The following ACACA variants were observed in gnomAD, a reference collection of about 807,000 sequenced individuals.
The protein encoded by ACACA is acetyl-CoA carboxylase 1.
Under a neutral mutation model 296.1 loss-of-function variants are expected in ACACA, and 103 were observed. That is an observed-to-expected ratio of 0.35 (90% CI 0.30 to 0.41). The LOEUF (loss-of-function observed/expected upper bound fraction) is 0.41. Among genes scored for constraint, ACACA ranks in the 10% least tolerant of loss-of-function variants. The pLI, the probability that ACACA is intolerant of heterozygous loss-of-function variation, is 1.00. For synonymous variants in ACACA, 953 were observed against 1,038.6 expected (o/e 0.92, Z 1.58); for missense variants, 1,554 against 2,989.7 (o/e 0.52, Z 11.20).
At chr17:37,099,619 CAGGAGGGCTGATGGA>C (rs2073232601) in intron 52 of ACACA, among the ~76,000 whole-genome samples, 2 of 111,798 alleles carry the variant, frequency 1.8e-5, no homozygotes, top group Admixed American at 8.8e-5. Context: ...GGGCTGATGG[CAGGAGGGCTGATGGA>C]GGGAGGGCTG....
intron 47 of ACACA, among the ~76,000 whole-genome samples, chr17:37,127,624 T>C (rs1322415600): frequency 6.6e-6 from 1 of 151,964 alleles, no homozygotes; most frequent in Non-Finnish European, 1.5e-5. Flanking sequence ...CACTTTGAGA[T>C]CACAAGGTCA....
chr17:37,145,542 T>A (rs1317896904), intron 45 of ACACA, among the ~76,000 whole-genome samples: 1 of 152,216 alleles, frequency 6.6e-6, no homozygotes, highest in Non-Finnish European at 1.5e-5. Flanking sequence ...CCACCTTCTC[T>A]TAGGCTTTAC....
At chr17:37,108,324 A>G (rs2073800422) in intron 52 of ACACA, among the ~76,000 whole-genome samples, 1 of 152,178 alleles carries the variant, frequency 6.6e-6, no homozygotes, top group African/African-American at 2.4e-5. Context: ...AAAATTCTAG[A>G]AGAGATGAAG....
chr17:37,403,944 T>A (rs1480414717), intron 1 of ACACA, among the ~76,000 whole-genome samples: 3 of 152,124 alleles, frequency 2.0e-5, no homozygotes. Flanking sequence ...AGCTAATTGT[T>A]GCATTTTTAG....
intron 1 of ACACA, chr17:37,391,851 G>T: frequency 2.3e-6 from 2 of 852,824 alleles, no homozygotes; most frequent in East Asian, 2.4e-5. Flanking sequence ...ACCAATTCCT[G>T]GTTAATGAAG....
In ACACA at chr17:37,218,147, C is replaced by CAAAAAAAAAAAAAAAAAAAA. The variant is rs60487601; in HGVS notation, c.3683+3557_3683+3576dup. 2.6e-5 allele frequency among the ~76,000 whole-genome samples: 3 copies of CAAAAAAAAAAAAAAAAAAAA among 116,626 alleles called. 1 individual carries two copies. Among genetic ancestry groups the CAAAAAAAAAAAAAAAAAAAA allele is most frequent in the Non-Finnish European group, 1.7e-5 (1 of 59,110 alleles). The allele number at this position is 116,626 out of a possible 152,430, so 76.5% of individuals were successfully genotyped here. On this transcript the variant is annotated intron_variant, in intron 29 of 55. Coordinates refer to ENST00000616317, the MANE Select transcript of ACACA (RefSeq NM_198834.3). ...CTCTCTCCACGGGCACTACCAGTAA[C>CAAAAAAAAAAAAAAAAAAAA]AAAAAAAAAAAAAAAAAAAAGAGGG...
In ACACA at chr17:37,151,429, A is replaced by G; in HGVS notation, c.5448-8T>C. 4 of 1,613,520 alleles carry G rather than the reference A, an allele frequency of 2.5e-6. No individual in the cohort carries two copies. Among genetic ancestry groups the G allele is most frequent in the Non-Finnish European group, 3.4e-6 (4 of 1,179,796 alleles). ...ATATCTGTTATCTTGTACCTATTGGATATGGCCATGTCAAATTATGAATGT... is the reference window on the plus strand; with the variant it reads ...ATATCTGTTATCTTGTACCTATTGGGTATGGCCATGTCAAATTATGAATGT... On this transcript the variant is annotated splice_polypyrimidine_tract_variant and splice_region_variant and intron_variant, in intron 43 of 55. Coordinates refer to ENST00000616317, the MANE Select transcript of ACACA (RefSeq NM_198834.3).
chr17:37,282,034 T>C (rs1263843080), intron 5 of ACACA, among the ~76,000 whole-genome samples: 14 of 152,194 alleles, frequency 9.2e-5, no homozygotes, highest in Admixed American at 7.8e-4. Context: ...AATAACATGA[T>C]ATAGTTTGAA....
chr17:37,371,623 G>C (rs998601626), intron 1 of ACACA, among the ~76,000 whole-genome samples: 1 of 152,158 alleles, frequency 6.6e-6, no homozygotes, highest in African/African-American at 2.4e-5. Context: ...GCCGCGGCCA[G>C]GCCGAGTAGC....
intron 41 of ACACA, among the ~76,000 whole-genome samples, chr17:37,174,471 A>G (rs2077032070): frequency 6.6e-6 from 1 of 152,030 alleles, no homozygotes; most frequent in Non-Finnish European, 1.5e-5. Flanking sequence ...AGCTACCACA[A>G]TTCTTAAGAG....
At chr17:37,103,747 A>C (rs1326395087) in intron 52 of ACACA, among the ~76,000 whole-genome samples, 1 of 151,928 alleles carries the variant, frequency 6.6e-6, no homozygotes, top group Non-Finnish European at 1.5e-5. Flanking sequence ...ACACACACAC[A>C]CACAAAATGC....
chr17:37,167,853 AACT>A (rs1281229838), intron 41 of ACACA, among the ~76,000 whole-genome samples: 2 of 152,216 alleles, frequency 1.3e-5, no homozygotes, highest in Non-Finnish European at 2.9e-5. Flanking sequence ...TGATCTTTGT[AACT>A]TTCCTGAAAA....
chr17:37,321,466 G>A (rs367645252), intron 3 of ACACA, among the ~76,000 whole-genome samples: 36 of 152,172 alleles, frequency 2.4e-4, no homozygotes, highest in East Asian at 3.9e-4. Flanking sequence ...ACTACAAAAC[G>A]TGGCCGGGTG....
chr17:37,404,453 A>G (rs2051395806), intron 1 of ACACA, among the ~76,000 whole-genome samples: 1 of 152,022 alleles, frequency 6.6e-6, no homozygotes, highest in African/African-American at 2.4e-5. Flanking sequence ...CTTGGGCTCA[A>G]TCCATCCTCC....
chr17:37,088,531 T>C (rs2072379899), intron 55 of ACACA, among the ~76,000 whole-genome samples: 1 of 152,200 alleles, frequency 6.6e-6, no homozygotes, highest in African/African-American at 2.4e-5. Context: ...CTGCAGTCTC[T>C]ACCACCGATC....
chr17:37,326,462 C>G (rs1278109543), intron 3 of ACACA, among the ~76,000 whole-genome samples: 1 of 150,896 alleles, frequency 6.6e-6, no homozygotes, highest in Non-Finnish European at 1.5e-5. Flanking sequence ...ACCCGGGAGG[C>G]AGAGGTTGCG....
chr17:37,205,888 A>G lies in ACACA; in HGVS notation c.3949-16T>C. On this transcript the variant is annotated splice_polypyrimidine_tract_variant and intron_variant, in intron 32 of 55. Transcript: ENST00000616317. ...CCCTGGGAACCTGTAACTCAAGAAC[A>G]CAAGTCAAAGAAATTATGAGGCTGG... is the stretch of plus-strand genomic sequence containing the variant. 6.3e-7 allele frequency: 1 copy of G among 1,586,964 alleles called. No homozygotes were observed. The highest frequency in any genetic ancestry group is 1.1e-5 in the South Asian group (1 of 90,614).
At chr17:37,299,480 C>T (rs2083514655) in intron 3 of ACACA, 1 of 1,510,910 alleles carries the variant, frequency 6.6e-7, no homozygotes, top group Non-Finnish European at 8.8e-7. Flanking sequence ...GACTAGAATA[C>T]TCCTGATGGC....
chr17:37,205,274 C>T (rs571577754), intron 33 of ACACA, among the ~76,000 whole-genome samples: 1 of 151,830 alleles, frequency 6.6e-6, no homozygotes, highest in African/African-American at 2.4e-5. Flanking sequence ...TGGAGAGGGA[C>T]GAGAAGAGGT....
Sources: gnomAD v4.1 joint callset for allele counts (sites outside exome capture counted in the v4.1 genomes callset) on GRCh38, gnomAD v4.1.1 for gene constraint, MANE v1.5 for transcripts, NCBI Gene and HGNC (gene_info 2026-07-23, HGNC 2026-07-21) for gene names.